WWOX: variants seen among roughly 807,000 people sequenced by gnomAD.
The protein encoded by WWOX is WW domain-containing oxidoreductase.
A neutral mutation model predicts 46.2 loss-of-function variants in WWOX; 69 were observed. The ratio of observed to expected loss-of-function variants is 1.49; its 90% CI spans 1.23 to 1.82. WWOX has a LOEUF of 1.82. Ranked by LOEUF, WWOX falls within the 40% of genes most tolerant of loss-of-function variation. The pLI, the probability that WWOX is intolerant of heterozygous loss-of-function variation, is 0.00. For synonymous variants in WWOX, 359 were observed against 202.6 expected (o/e 1.77, Z -6.56); for missense variants, 919 against 542.6 (o/e 1.69, Z -6.89).
At chr16:79,069,926 T>C (rs1051912281) in intron 8 of WWOX, among the ~76,000 whole-genome samples, 1 of 152,226 alleles carries the variant, frequency 6.6e-6, no homozygotes, top group African/African-American at 2.4e-5. Context: ...ACCAAAAAGT[T>C]ACCCAAACCT....
intron 8 of WWOX, among the ~76,000 whole-genome samples, chr16:78,807,345 C>T (rs1355669181): frequency 1.3e-5 from 2 of 152,204 alleles, no homozygotes; most frequent in Non-Finnish European, 2.9e-5. Flanking sequence ...CCCAGTGAAT[C>T]TAAAACAAGA....
chr16:78,723,341 G>C (rs551716329), intron 8 of WWOX, among the ~76,000 whole-genome samples: 33 of 152,194 alleles, frequency 2.2e-4, no homozygotes, highest in African/African-American at 7.7e-4. Context: ...TGTCAACGTG[G>C]CTTTTGCTAA....
chr16:78,434,000 G>A (rs911011117), intron 8 of WWOX, among the ~76,000 whole-genome samples: 7 of 151,682 alleles, frequency 4.6e-5, no homozygotes, highest in Non-Finnish European at 1.0e-4. Flanking sequence ...CGTTTTAGCC[G>A]GGATGGTCTC....
At chr16:79,192,161 A>C (rs2051149149) in intron 8 of WWOX, among the ~76,000 whole-genome samples, 1 of 152,232 alleles carries the variant, frequency 6.6e-6, no homozygotes, top group African/African-American at 2.4e-5. Context: ...CTCAGGACCA[A>C]AATTGCTCCT....
At chr16:78,656,735 C>T (rs994468920) in intron 8 of WWOX, among the ~76,000 whole-genome samples, 2 of 152,152 alleles carry the variant, frequency 1.3e-5, no homozygotes, top group Non-Finnish European at 2.9e-5. Flanking sequence ...AGCACATCCT[C>T]GTGGATCTTC....
chr16:78,537,929 C>T (rs1437891076), intron 8 of WWOX, among the ~76,000 whole-genome samples: 1 of 152,092 alleles, frequency 6.6e-6, no homozygotes, highest in African/African-American at 2.4e-5. Flanking sequence ...CACCTTACAG[C>T]AGCCCCGGCC....
intron 8 of WWOX, among the ~76,000 whole-genome samples, chr16:78,561,203 A>G (rs996750428): frequency 9.9e-5 from 15 of 152,084 alleles, no homozygotes; most frequent in African/African-American, 3.4e-4. Flanking sequence ...GGCCCCCTGC[A>G]TCTCAAAGCC....
intron 8 of WWOX, among the ~76,000 whole-genome samples, chr16:78,734,660 G>A (rs2049043161): frequency 6.6e-6 from 1 of 151,732 alleles, no homozygotes; most frequent in African/African-American, 2.4e-5. Context: ...CATCACTCTG[G>A]GGTGTCTGTG....
At chr16:78,600,955 G>C (rs1256436342) in intron 8 of WWOX, among the ~76,000 whole-genome samples, 1 of 152,194 alleles carries the variant, frequency 6.6e-6, no homozygotes, top group East Asian at 1.9e-4. Context: ...ACCTGGGCAA[G>C]AGACTGCCTT....
chr16:78,746,351 A>G (rs2049346660), intron 8 of WWOX, among the ~76,000 whole-genome samples: 1 of 152,118 alleles, frequency 6.6e-6, no homozygotes, highest in African/African-American at 2.4e-5. Context: ...TTTAAAAATT[A>G]GCTGGGAATG....
chr16:79,053,472 A>G (rs902262883), intron 8 of WWOX, among the ~76,000 whole-genome samples: 3 of 152,220 alleles, frequency 2.0e-5, no homozygotes, highest in African/African-American at 7.2e-5. Context: ...TAGATTAATT[A>G]GGTTTATAAT....
At chr16:79,203,249 A>G (rs186708398) in intron 8 of WWOX, 1 of 152,350 alleles carries the variant, frequency 6.6e-6, no homozygotes, top group Admixed American at 6.5e-5. Context: ...TCTCCACAGT[A>G]TGTTCTAAAT....
intron 8 of WWOX, among the ~76,000 whole-genome samples, chr16:78,475,281 T>C (rs1426213045): frequency 6.6e-6 from 1 of 152,226 alleles, no homozygotes; most frequent in African/African-American, 2.4e-5. Context: ...TCCCTGTGTA[T>C]TGAGAGCAGG....
intron 5 of WWOX, among the ~76,000 whole-genome samples, chr16:78,279,147 G>A (rs1301785204): frequency 6.6e-6 from 1 of 152,042 alleles, no homozygotes; most frequent in Non-Finnish European, 1.5e-5. Flanking sequence ...AAACCATGGG[G>A]GATTGAAATA....
chr16:78,986,276 C>A (rs1434679199), intron 8 of WWOX, among the ~76,000 whole-genome samples: 1 of 152,144 alleles, frequency 6.6e-6, no homozygotes, highest in Non-Finnish European at 1.5e-5. Flanking sequence ...TACAAAGATG[C>A]CATAGGTAGA....
In WWOX at chr16:78,721,054, G is replaced by C. The variant is rs117296128; in HGVS notation, c.1056+288302G>C. Among the ~76,000 whole-genome samples the C allele has an allele frequency of 7.6e-4, 116 of 152,188 alleles. 1 individual carries two copies. In the East Asian group the frequency reaches 0.022, roughly 28 times the overall value. ...TGCATTCTTATTAGTCTATAAGATT[G>C]AGGTCGTTTATTGGTGATCACTTGT... is the stretch of plus-strand genomic sequence containing the variant. On this transcript the variant is annotated intron_variant, in intron 8 of 8. Transcript: ENST00000566780.
At chr16:78,761,904 T>TTC (rs2049804160) in intron 8 of WWOX, among the ~76,000 whole-genome samples, 1 of 152,162 alleles carries the variant, frequency 6.6e-6, no homozygotes, top group Non-Finnish European at 1.5e-5. Context: ...CTTTATCTCC[T>TTC]TGTGTGTGTG....
rs2081901008 is a variant in WWOX, at chr16:78,379,330, TA to T, written c.517-7527del. Among the ~76,000 whole-genome samples, 6 of 152,276 alleles carry T rather than the reference TA, an allele frequency of 3.9e-5. No homozygotes were observed. In the South Asian group the frequency reaches 1.2e-3, roughly 32 times the overall value. On this transcript the variant is annotated intron_variant, in intron 5 of 8. Transcript: ENST00000566780. ...AGATCACAAAATAGCTAATTCCCTG[TA>T]AACAGCAACCCTTCTCTCTGCAGTT...
chr16:78,692,063 C>G (rs1174949451), intron 8 of WWOX, among the ~76,000 whole-genome samples: 3 of 152,160 alleles, frequency 2.0e-5, no homozygotes, highest in Non-Finnish European at 4.4e-5. Context: ...TGAGGCCTCC[C>G]CAGCCATGTG....
Sources: gnomAD v4.1 joint callset for allele counts (sites outside exome capture counted in the v4.1 genomes callset) on GRCh38, gnomAD v4.1.1 for gene constraint, MANE v1.5 for transcripts, NCBI Gene and HGNC (gene_info 2026-07-23, HGNC 2026-07-21) for gene names.